CCSER1: variants seen among roughly 807,000 people sequenced by gnomAD.
CCSER1 encodes the protein serine-rich coiled-coil domain-containing protein 1.
CCSER1 carries 41 observed loss-of-function variants against 82.0 expected under a neutral mutation model. The observed-to-expected ratio is 0.50, with a 90% confidence interval of 0.39 to 0.65. The LOEUF (loss-of-function observed/expected upper bound fraction) is 0.65, where lower values mean the gene tolerates loss of function less well. Ranked by LOEUF, CCSER1 falls within the 30% of genes least tolerant of loss-of-function variation. The probability of loss-of-function intolerance (pLI) is 0.00; values close to 1 mark genes in which losing one functional copy is unlikely to be tolerated. For synonymous variants in CCSER1, 414 were observed against 383.9 expected (o/e 1.08, Z -0.92); for missense variants, 1,119 against 1,064.2 (o/e 1.05, Z -0.72).
At chr4:91,503,300 C>T (rs1243085990) in intron 10 of CCSER1, among the ~76,000 whole-genome samples, 2 of 150,172 alleles carry the variant, frequency 1.3e-5, no homozygotes, top group Non-Finnish European at 3.0e-5. Flanking sequence ...CAAGATGGTG[C>T]CACTGCAGTC....
Position 90,932,968 on chromosome 4 carries a change from AAGAAAGAAAGAAAG to A in CCSER1, c.2172+9537_2172+9550del, listed in dbSNP as rs1561384786. ...AAAGAAAGAAAGAAAGAAAGAAAGA[AAGAAAGAAAGAAAG>A]AGAAAGAAAGAAAGAAAGAAAGAAA... On this transcript the variant is annotated intron_variant, in intron 9 of 10. Transcript: ENST00000509176. Among the ~76,000 whole-genome samples the A allele has an allele frequency of 1.8e-3, 79 of 44,112 alleles. 6 individuals are homozygous for A. Among genetic ancestry groups the A allele is most frequent in the African/African-American group, 0.012 (73 of 5,962 alleles). 28.9% of individuals were successfully genotyped at this position (44,112 alleles called of 152,430 possible).
chr4:90,305,954 T>G (rs1480758016), intron 1 of CCSER1, among the ~76,000 whole-genome samples: 1 of 152,172 alleles, frequency 6.6e-6, no homozygotes, highest in Admixed American at 6.5e-5. Flanking sequence ...ATGAATGGAT[T>G]AAGAAAATGT....
At chr4:90,648,274 GAGAAAGAAAGGAA>G (rs1324624431) in intron 6 of CCSER1, among the ~76,000 whole-genome samples, 3 of 100,714 alleles carry the variant, frequency 3.0e-5, no homozygotes, top group African/African-American at 1.1e-4. Context: ...GAAAGAGAGA[GAGAAAGAAAGGAA>G]AGAAAGAAAG....
intron 10 of CCSER1, among the ~76,000 whole-genome samples, chr4:91,147,369 C>T (rs1470681144): frequency 6.6e-6 from 1 of 152,188 alleles, no homozygotes; most frequent in East Asian, 1.9e-4. Context: ...ACAGACTTCT[C>T]TTGCCAGATG....
chr4:90,399,169 A>G (rs957082711), intron 3 of CCSER1, among the ~76,000 whole-genome samples: 3 of 152,082 alleles, frequency 2.0e-5, no homozygotes, highest in Admixed American at 1.3e-4. Flanking sequence ...ATTTATATAT[A>G]TACAAATATA....
chr4:90,742,190 C>T (rs2149445946), intron 7 of CCSER1, among the ~76,000 whole-genome samples: 1 of 152,188 alleles, frequency 6.6e-6, no homozygotes, highest in East Asian at 1.9e-4. Flanking sequence ...GGAAGTCTGT[C>T]CCCATGATTG....
At chr4:91,210,269 T>C (rs1736704152) in intron 10 of CCSER1, among the ~76,000 whole-genome samples, 1 of 150,536 alleles carries the variant, frequency 6.6e-6, no homozygotes, top group Non-Finnish European at 1.5e-5. Flanking sequence ...TATATAACAT[T>C]ATTTATATAT....
At chr4:91,380,651 A>G (rs1750814524) in intron 10 of CCSER1, among the ~76,000 whole-genome samples, 1 of 152,010 alleles carries the variant, frequency 6.6e-6, no homozygotes, top group South Asian at 2.1e-4. Context: ...TCTGCATGTG[A>G]GATGGATCTC....
intron 7 of CCSER1, among the ~76,000 whole-genome samples, chr4:90,743,185 G>A (rs927629144): frequency 5.9e-5 from 9 of 152,298 alleles, no homozygotes; most frequent in Non-Finnish European, 1.3e-4. Flanking sequence ...CATTCCAAAA[G>A]AAAGAAGGAA....
intron 9 of CCSER1, among the ~76,000 whole-genome samples, chr4:90,965,056 T>G (rs949502206): frequency 1.3e-5 from 2 of 152,052 alleles, no homozygotes; most frequent in African/African-American, 4.8e-5. Flanking sequence ...ATATTTGAAT[T>G]GTCTACCAGC....
chr4:91,537,663 T>C (rs1761362416), intron 10 of CCSER1, among the ~76,000 whole-genome samples: 1 of 152,036 alleles, frequency 6.6e-6, no homozygotes, highest in African/African-American at 2.4e-5. Flanking sequence ...CAAAATTATT[T>C]TTTGAGTACT....
intron 5 of CCSER1, among the ~76,000 whole-genome samples, chr4:90,623,115 C>T (rs1050322397): frequency 6.6e-6 from 1 of 150,964 alleles, no homozygotes; most frequent in Non-Finnish European, 1.5e-5. Context: ...GCAAGCTTCG[C>T]CCCCCAGGTT....
At chr4:90,528,134 G>A (rs1648662108) in intron 5 of CCSER1, among the ~76,000 whole-genome samples, 1 of 152,102 alleles carries the variant, frequency 6.6e-6, no homozygotes, top group African/African-American at 2.4e-5. Context: ...CCTGTCCAAG[G>A]AGTGACCTTT....
Position 91,393,709 on chromosome 4 carries a change from CT to C in CCSER1, c.2218-204856del, listed in dbSNP as rs376940950. On this transcript the variant is annotated intron_variant, in intron 10 of 10. Coordinates refer to ENST00000509176, the MANE Select transcript of CCSER1 (RefSeq NM_001145065.2). ...GTTTTTCTCCTGCTGTATCTAATTT[CT>C]TTTTTTCAATATTTTATTGTTTGGT... Among the ~76,000 whole-genome samples the C allele has an allele frequency of 2.7e-4, 41 of 151,826 alleles. No individual in the cohort carries two copies. The East Asian group carries it at 3.1e-3, about 11-fold the overall frequency.
chr4:91,553,977 T>A (rs1762290262), intron 10 of CCSER1, among the ~76,000 whole-genome samples: 1 of 151,274 alleles, frequency 6.6e-6, no homozygotes, highest in African/African-American at 2.4e-5. Flanking sequence ...TATAGCTTAT[T>A]GTTTACTTGA....
intron 1 of CCSER1, among the ~76,000 whole-genome samples, chr4:90,245,335 C>T (rs1420460817): frequency 6.6e-6 from 1 of 152,020 alleles, no homozygotes; most frequent in Non-Finnish European, 1.5e-5. Flanking sequence ...AAAAATTTAG[C>T]CTGATTTTTG....
rs1553930093 is a variant in CCSER1 at position 91,376,902 on chromosome 4, C to CCCCTCCTT, written c.2218-221667_2218-221666insTCCTTCCC. Among the ~76,000 whole-genome samples, 6 of 142,784 alleles carry CCCCTCCTT rather than the reference C, an allele frequency of 4.2e-5. No individual in the cohort carries two copies. The South Asian group carries it at 9.2e-4, about 22-fold the overall frequency. The allele number at this position is 142,784 out of a possible 152,430, so 93.7% of individuals were successfully genotyped here. A position where few individuals can be genotyped will look rare whatever the true frequency, so the allele number is the denominator to read the frequency against. The stretch of plus-strand genomic sequence containing the variant: ...AGGTATATCTCCTAATACTATCCCT[C>CCCCTCCTT]CCCCCACCCAGGACAGGCCCCAGTG... On this transcript the variant is annotated intron_variant, in intron 10 of 10. Coordinates refer to ENST00000509176, the MANE Select transcript of CCSER1 (RefSeq NM_001145065.2).
In CCSER1 at chr4:91,153,384, C is replaced by T. The variant is rs139201423; in HGVS notation, c.2217+67390C>T. Among the ~76,000 whole-genome samples the T allele has an allele frequency of 1.6e-3, 248 of 151,966 alleles. 3 individuals carry two copies. The East Asian group carries it at 0.028, about 17-fold the overall frequency. The stretch of plus-strand genomic sequence containing the variant: ...ATCAGGTCATTTAAGGTCTTCTCTA[C>T]GCTGTTTATTCTAGTTAGCCATCGT... On this transcript the variant is annotated intron_variant, in intron 10 of 10. Transcript: ENST00000509176.
chr4:91,009,622 T>C (rs1738837278), intron 9 of CCSER1, among the ~76,000 whole-genome samples: 1 of 152,210 alleles, frequency 6.6e-6, no homozygotes, highest in South Asian at 2.1e-4. Flanking sequence ...CCTGATTTTA[T>C]GTAGTGCTAA....
Sources: allele counts gnomAD v4.1 joint callset (sites outside exome capture counted in the v4.1 genomes callset), GRCh38; gene constraint gnomAD v4.1.1; transcripts MANE v1.5; gene names NCBI Gene and HGNC (gene_info 2026-07-23, HGNC 2026-07-21).